Variants in EPHB1 observed in about 807,000 individuals in gnomAD.
EPHB1 encodes the protein EPH receptor B1, also known as ephrin type-B receptor 1.
In EPHB1, 30 loss-of-function variants were observed where a neutral mutation model predicts 94.4. The observed-to-expected ratio is 0.32, with a 90% CI of 0.24 to 0.43. EPHB1 has a LOEUF of 0.43. EPHB1 is among the 20% of genes least tolerant of loss of function. EPHB1 has a pLI of 1.00. For synonymous variants in EPHB1, 522 were observed against 489.1 expected, an observed-to-expected ratio of 1.07 and a Z score of -0.89; for missense variants, 1,055 against 1,308.3, an observed-to-expected ratio of 0.81 and a Z score of 2.99.
At chr3:135,178,489 A>T (rs991135964) in intron 9 of EPHB1, among the ~76,000 whole-genome samples, 1 of 151,412 alleles carries the variant, frequency 6.6e-6, no homozygotes, top group Admixed American at 6.6e-5. Context: ...ATTCTCCTCA[A>T]TGGTTTGCTG....
chr3:134,990,154 C>T (rs1039744025), intron 3 of EPHB1, among the ~76,000 whole-genome samples: 3 of 152,188 alleles, frequency 2.0e-5, no homozygotes, highest in Non-Finnish European at 4.4e-5. Context: ...AGGACTCTCT[C>T]CCTTCCCTGA....
chr3:135,184,464 G>A (rs917386336), intron 10 of EPHB1, among the ~76,000 whole-genome samples: 1 of 152,150 alleles, frequency 6.6e-6, no homozygotes, highest in African/African-American at 2.4e-5. Context: ...TTTAATGTTC[G>A]TCTTTCCTCA....
At chr3:135,196,955 C>T (rs56743396) in intron 11 of EPHB1, among the ~76,000 whole-genome samples, 12,489 of 152,038 alleles carry the variant, frequency 0.082, 1,736 homozygotes, top group African/African-American at 0.28. Context: ...GTGGCTCTTC[C>T]GTAATATTAG....
Position 134,805,516 on chromosome 3 carries a change from A to G in EPHB1, c.58+9827A>G, listed in dbSNP as rs563041313. Among the ~76,000 whole-genome samples, 463 of 152,108 alleles carry G rather than the reference A, an allele frequency of 3.0e-3. 1 individual carries two copies. Among genetic ancestry groups the G allele is most frequent in the Non-Finnish European group, 3.4e-3 (233 of 67,986 alleles). On this transcript the variant is annotated intron_variant, in intron 1 of 15. Transcript: ENST00000398015. ...AGGGCCAATCATTGCAAGACCCTAC[A>G]TCACCTGGGTCCACCTTGCCTCCTG...
At position 134,827,422 on chromosome 3, in the gene EPHB1, G is replaced by C. The variant is rs564976770; in HGVS notation, c.58+31733G>C. Among the ~76,000 whole-genome samples the C allele has an allele frequency of 3.3e-5, 5 of 152,272 alleles. No homozygotes were observed. The East Asian group carries it at 9.7e-4, about 29-fold the overall frequency. ...ACACTCCTTATGGGCTTCTGTGATT[G>C]AAAGTACTGTGCAGTACTAGTTTCG... On this transcript the variant is annotated intron_variant, in intron 1 of 15. Transcript: ENST00000398015.
chr3:134,998,966 CAG>C (rs1202470028), intron 3 of EPHB1, among the ~76,000 whole-genome samples: 1 of 152,116 alleles, frequency 6.6e-6, no homozygotes, highest in African/African-American at 2.4e-5. Context: ...AAGTCACAGT[CAG>C]AGAGGCAGGA....
At chr3:135,093,284 T>C (rs1313930235) in intron 3 of EPHB1, among the ~76,000 whole-genome samples, 1 of 152,170 alleles carries the variant, frequency 6.6e-6, no homozygotes, top group East Asian at 1.9e-4. Flanking sequence ...GGTCCTTCTG[T>C]GCCAACTCCC....
At chr3:134,983,594 C>T (rs36106) in intron 3 of EPHB1, among the ~76,000 whole-genome samples, 2 of 152,210 alleles carry the variant, frequency 1.3e-5, no homozygotes, top group African/African-American at 4.8e-5. Context: ...GACAGAGTGC[C>T]TGAGAGACTG....
In EPHB1 at chr3:135,242,621, G is replaced by A. The variant is rs1370327932; in HGVS notation, c.2496+1324G>A. On this transcript the variant is annotated intron_variant, in intron 13 of 15. Coordinates refer to ENST00000398015, the MANE Select transcript of EPHB1 (RefSeq NM_004441.5). Reference sequence around the variant, plus strand: ...GGTCCTGAAGTCAACTATGGCTGGTGTCTAGGTCCTCTATTATCTGGGATT... The same window carrying A: ...GGTCCTGAAGTCAACTATGGCTGGTATCTAGGTCCTCTATTATCTGGGATT... Among the ~76,000 whole-genome samples the A allele has an allele frequency of 2.0e-5, 3 of 152,172 alleles. No individual in the cohort carries two copies. In the East Asian group the frequency reaches 5.8e-4, roughly 29 times the overall value.
intron 12 of EPHB1, among the ~76,000 whole-genome samples, chr3:135,227,632 C>T (rs1330314630): frequency 6.6e-6 from 1 of 152,092 alleles, no homozygotes; most frequent in Non-Finnish European, 1.5e-5. Context: ...TTTCAAACAA[C>T]ATTTCAGTGA....
intron 3 of EPHB1, among the ~76,000 whole-genome samples, chr3:135,036,895 C>A (rs1404713738): frequency 6.6e-6 from 1 of 152,038 alleles, no homozygotes; most frequent in Admixed American, 6.6e-5. Context: ...GATGAGCAGT[C>A]CTGATGTGGC....
At chr3:135,205,102 G>T (rs73220270) in intron 12 of EPHB1, among the ~76,000 whole-genome samples, 1 of 151,922 alleles carries the variant, frequency 6.6e-6, no homozygotes, top group African/African-American at 2.4e-5. Context: ...AATTGCATCC[G>T]TGTTGCTGCA....
At chr3:135,022,958 C>T (rs1936034512) in intron 3 of EPHB1, among the ~76,000 whole-genome samples, 1 of 152,164 alleles carries the variant, frequency 6.6e-6, no homozygotes, top group Non-Finnish European at 1.5e-5. Flanking sequence ...CACATTTAGA[C>T]AGTGTGTTGG....
chr3:134,933,236 C>T (rs1241838163), intron 2 of EPHB1, among the ~76,000 whole-genome samples: 1 of 152,098 alleles, frequency 6.6e-6, no homozygotes, highest in Non-Finnish European at 1.5e-5. Context: ...TCTTCTTGGT[C>T]CTAAGACGTC....
intron 1 of EPHB1, among the ~76,000 whole-genome samples, chr3:134,825,759 T>A (rs2036465298): frequency 6.6e-6 from 1 of 152,162 alleles, no homozygotes; most frequent in African/African-American, 2.4e-5. Context: ...TACTCCAGTC[T>A]CCTTCATCCA....
chr3:134,937,393 A>C (rs36162), intron 2 of EPHB1, among the ~76,000 whole-genome samples: 7,738 of 152,230 alleles, frequency 0.051, 332 homozygotes, highest in African/African-American at 0.11. Context: ...GAGACTGGGA[A>C]TTTCCTCCAT....
At chr3:134,996,242 G>C (rs1281783891) in intron 3 of EPHB1, among the ~76,000 whole-genome samples, 6 of 151,874 alleles carry the variant, frequency 4.0e-5, no homozygotes, top group Admixed American at 3.9e-4. Flanking sequence ...CACCCAGGTG[G>C]GAGTGCAGTG....
In EPHB1 at chr3:134,795,520, C is replaced by G. The variant is rs976844663; in HGVS notation, c.-112C>G. 12 of 1,049,302 alleles carry G rather than the reference C, an allele frequency of 1.1e-5. No individual in the cohort carries two copies. The highest frequency in any genetic ancestry group is 1.7e-5 in the Non-Finnish European group (12 of 725,888). The allele number at this position is 1,049,302 out of a possible 1,614,324, so 65.0% of individuals were successfully genotyped here. On this transcript the variant is annotated 5_prime_UTR_variant, in exon 1 of 16. Transcript: ENST00000398015. ...GGGAAGTCCGGTCCGGGCGAGAGCG[C>G]GAAAGGATACCGAGAAGCCACCCGC...
chr3:134,860,600 G>A (rs1042139849), intron 1 of EPHB1, among the ~76,000 whole-genome samples: 1 of 152,118 alleles, frequency 6.6e-6, no homozygotes, highest in East Asian at 1.9e-4. Context: ...AGATCACGAT[G>A]TCAGGAGATC....
Sources: allele counts gnomAD v4.1 joint callset (sites outside exome capture counted in the v4.1 genomes callset), GRCh38; gene constraint gnomAD v4.1.1; transcripts MANE v1.5; gene names NCBI Gene and HGNC (gene_info 2026-07-23, HGNC 2026-07-21).